TARBP2: variants seen among roughly 807,000 people sequenced by gnomAD.
TARBP2 encodes the protein TARBP2 subunit of RISC loading complex, also known as RISC-loading complex subunit TARBP2.
In TARBP2, 23 loss-of-function variants were observed where a neutral mutation model predicts 40.4. The ratio of observed to expected loss-of-function variants is 0.57; its 90% confidence interval spans 0.41 to 0.81. TARBP2 has a LOEUF of 0.81. Among genes scored for constraint, TARBP2 ranks in the 30% least tolerant of loss-of-function variants. TARBP2 has a pLI of 0.00. For missense variants in TARBP2, 358 were observed against 473.7 expected (o/e 0.76, Z 2.27); for synonymous variants, 183 against 190.5 (o/e 0.96, Z 0.32).
At chr12:53,504,643 G>A (rs1943884619) in intron 5 of TARBP2, 55 bp from the exon 6 acceptor site, 1 of 1,613,944 alleles carries the variant, frequency 6.2e-7, no homozygotes. Flanking sequence ...GACCAGCGTG[G>A]GTGTGAGAAG....
Position 53,501,420 on chromosome 12 carries a change from G to C in TARBP2, c.12G>C (p.Glu4Asp). Reference protein sequence around the residue: MSEEEQGSGTTTGC... With the variant: MSEDEQGSGTTTGC... The stretch of plus-strand genomic sequence containing the variant: ...GGACGGAGGAGGGAATGAGTGAAGA[G>C]GAGCAAGGCTCCGGCACTACCACGG... Residue 4 changes from glutamate (E) to aspartate (D), a missense_variant, in exon 1 of 9, where the codon GAG becomes GAC. This residue lies in a region of TARBP2 where 32 missense variants were observed against 21.6 expected (regional missense o/e 1.48). Transcript: ENST00000266987. The C allele has an allele frequency of 6.4e-7, 1 of 1,567,032 alleles. No homozygotes were observed.
chr12:53,505,247 T>C lies in TARBP2; in HGVS notation c.726T>C (p.Asp242=), dbSNP rs1412582897. The C allele has an allele frequency of 6.2e-7, 1 of 1,600,716 alleles. No homozygotes were observed. The highest frequency in any genetic ancestry group is 1.1e-5 in the South Asian group (1 of 90,540). ...ARDGNEVEPD[D]DHFSIGVGSR... is the part of the protein sequence containing the mutation. Reference sequence around the variant, plus strand: ...ATGGCAATGAGGTGGAGCCTGATGATGACCACTTCTCCATTGTGAGTGGCT... The same window carrying C: ...ATGGCAATGAGGTGGAGCCTGATGACGACCACTTCTCCATTGTGAGTGGCT... The change falls in exon 7 of 9, where the codon GAT becomes GAC. Residue 242 remains aspartate, a synonymous_variant. Transcript: ENST00000266987. This position sits in a 1 kb window ranked among gnomAD's most constrained non-coding sequence, Gnocchi z 4.5.
chr12:53,502,897 T>C, intron 2 of TARBP2, 130 bp from the exon 3 acceptor site: 1 of 858,372 alleles, frequency 1.2e-6, no homozygotes, highest in Non-Finnish European at 1.7e-6. Flanking sequence ...CTTCCAGTCT[T>C]CAGCAGGGGG....
Position 53,502,969 on chromosome 12 carries a change from C to T in TARBP2, c.224-58C>T, listed in dbSNP as rs377283020. 26 of 1,492,760 alleles carry T rather than the reference C, an allele frequency of 1.7e-5. No individual in the cohort carries two copies. In the African/African-American group the frequency reaches 2.7e-4, roughly 15 times the overall value. The allele number at this position is 1,492,760 out of a possible 1,614,324, so 92.5% of individuals were successfully genotyped here. On this transcript the variant is annotated intron_variant, in intron 2 of 8. Coordinates refer to ENST00000266987, the MANE Select transcript of TARBP2 (RefSeq NM_134323.2). ...CTACGAGGAGAGAGGCTGTGGGATG[C>T]TGGTTTCTTTCCCGTCCTTTCAGTG...
In TARBP2 at chr12:53,506,330, C is replaced by A; in HGVS notation, c.*182C>A. 2.8e-6 allele frequency: 2 copies of A among 704,808 alleles called. No homozygotes were observed. Among genetic ancestry groups the A allele is most frequent in the Non-Finnish European group, 4.6e-6 (2 of 437,188 alleles). The allele number at this position is 704,808 out of a possible 1,614,324, so 43.7% of individuals were successfully genotyped here. A position where few individuals can be genotyped will look rare whatever the true frequency, so the allele number is the denominator to read the frequency against. On this transcript the variant is annotated 3_prime_UTR_variant, in exon 9 of 9. Transcript: ENST00000266987. ...CCAAGGACCACAGAGCCTCAGCCAG[C>A]CCAGGATCCGTCCTCATTTTATTGG... is the stretch of plus-strand genomic sequence containing the variant.
Position 53,501,334 on chromosome 12 carries a change from C to T in TARBP2, c.-75C>T, listed in dbSNP as rs1943690710. ...GCCGCGACTCCGGGCTTGGCCCCGG[C>T]CCTAGCTCGTCGGCTGTGTATTGGG... On this transcript the variant is annotated 5_prime_UTR_variant, in exon 1 of 9. Coordinates refer to ENST00000266987, the MANE Select transcript of TARBP2 (RefSeq NM_134323.2). 3 of 1,524,860 alleles carry T rather than the reference C, an allele frequency of 2.0e-6. No individual in the cohort carries two copies. The highest frequency in any genetic ancestry group is 2.7e-6 in the Non-Finnish European group (3 of 1,125,910). 94.5% of individuals were successfully genotyped at this position (1,524,860 alleles called of 1,614,324 possible). A position where few individuals can be genotyped will look rare whatever the true frequency, so the allele number is the denominator to read the frequency against.
chr12:53,506,007 T>C lies in TARBP2; in HGVS notation c.960T>C (p.Ser320=). ...GCTCTCCAGAGGAGCTGAGCCTGAG[T>C]GGACTCTGCCAGTGCCTGGTGGAAC... ...SYLDIEELSL[S]GLCQCLVELS... Residue 320 remains serine, a synonymous_variant, in exon 9 of 9, where the codon AGT becomes AGC. Transcript: ENST00000266987. 2 of 1,613,962 alleles carry C rather than the reference T, an allele frequency of 1.2e-6. No individual in the cohort carries two copies. The highest frequency in any genetic ancestry group is 1.7e-6 in the Non-Finnish European group (2 of 1,179,928).
chr12:53,506,207 C>T lies in TARBP2; in HGVS notation c.*59C>T. 6.3e-6 allele frequency: 10 copies of T among 1,577,622 alleles called. No individual in the cohort carries two copies. The highest frequency in any genetic ancestry group is 8.6e-6 in the Non-Finnish European group (10 of 1,159,860). On this transcript the variant is annotated 3_prime_UTR_variant, in exon 9 of 9. Transcript: ENST00000266987. Reference sequence around the variant, plus strand: ...GCTCCCTGCTCTTTCTGCCTCTGGGCTCATGTATCTGCGCAGCTCTGGTAC... The same window carrying T: ...GCTCCCTGCTCTTTCTGCCTCTGGGTTCATGTATCTGCGCAGCTCTGGTAC...
At chr12:53,504,948 C>T in intron 6 of TARBP2, 133 bp downstream of exon 6, 1 of 1,426,824 alleles carries the variant, frequency 7.0e-7, no homozygotes, top group Non-Finnish European at 9.6e-7. Context: ...CAGCCCCTTC[C>T]TTTTAGCTTC....
Position 53,502,521 on chromosome 12 carries a change from T to C in TARBP2, c.223+337T>C, listed in dbSNP as rs190818520. On this transcript the variant is annotated intron_variant, in intron 2 of 8. Transcript: ENST00000266987. Reference sequence around the variant, plus strand: ...CTCTGTTCCCGGTGCTTAACCAAATTCCCGTTTAATTTTAAACCTCAGTCT... The same window carrying C: ...CTCTGTTCCCGGTGCTTAACCAAATCCCCGTTTAATTTTAAACCTCAGTCT... The C allele has an allele frequency of 3.0e-3, 916 of 306,172 alleles. 22 individuals carry two copies. Among genetic ancestry groups the C allele is most frequent in the South Asian group, 0.026 (649 of 24,850 alleles). The allele number at this position is 306,172 out of a possible 1,614,324, so 19.0% of individuals were successfully genotyped here. A position where few individuals can be genotyped will look rare whatever the true frequency, so the allele number is the denominator to read the frequency against.
chr12:53,501,185 C>T, upstream of TARBP2: 1 of 580,280 alleles, frequency 1.7e-6, no homozygotes, highest in South Asian at 2.1e-5. Flanking sequence ...GCGGTGCAGC[C>T]TGCCCGGGCG....
At chr12:53,501,877 C>T (rs1943728973) in intron 1 of TARBP2, 138 bp from the exon 2 acceptor site, 1 of 1,403,540 alleles carries the variant, frequency 7.1e-7, no homozygotes, top group African/African-American at 1.4e-5. Flanking sequence ...ACTTGGAACC[C>T]AGCCAATGGA....
chr12:53,501,233 C>A, upstream of TARBP2: 1 of 672,094 alleles, frequency 1.5e-6, no homozygotes, highest in Non-Finnish European at 2.5e-6. Flanking sequence ...GGATAGCTCC[C>A]CTCCAGATGG....
chr12:53,503,970 G>A (rs577073036), intron 4 of TARBP2, 162 bp downstream of exon 4: 1 of 636,978 alleles, frequency 1.6e-6, no homozygotes, highest in Non-Finnish European at 2.8e-6. Context: ...CAGCTGGTAA[G>A]CTCTTGGGAC....
intron 2 of TARBP2, 43 bp downstream of exon 2, chr12:53,502,227 G>A: frequency 6.2e-7 from 1 of 1,607,070 alleles, no homozygotes; most frequent in Non-Finnish European, 8.5e-7. Flanking sequence ...TGCATTTGCA[G>A]GTCCCCATGG....
At chr12:53,504,939 AG>A in intron 6 of TARBP2, 124 bp downstream of exon 6, 1 of 1,433,964 alleles carries the variant, frequency 7.0e-7, no homozygotes, top group Non-Finnish European at 9.6e-7. Context: ...TCCCTAGCTC[AG>A]CCCCTTCCTT....
At chr12:53,501,640 T>C in intron 1 of TARBP2, 179 bp downstream of exon 1, 2 of 1,451,028 alleles carry the variant, frequency 1.4e-6, no homozygotes. Context: ...TCTAAATAGT[T>C]TGGGGTTGGC....
At chr12:53,503,574 T>A in intron 3 of TARBP2, 139 bp from the exon 4 acceptor site, 1 of 656,996 alleles carries the variant, frequency 1.5e-6, no homozygotes. Flanking sequence ...GAGGAAGCTG[T>A]TGGTTGAGCC....
rs1565900937 is a variant in TARBP2, at chr12:53,504,828, GA to G, written c.613+15del. On this transcript the variant is annotated intron_variant, in intron 6 of 8. Transcript: ENST00000266987. Reference sequence around the variant, plus strand: ...TTCATTGAGATTGGTAACTGGGCAAGAAGGGGTTCTCACAACTCCTCTCCCG... The same window carrying G: ...TTCATTGAGATTGGTAACTGGGCAAGAGGGGTTCTCACAACTCCTCTCCCG... 1.9e-6 allele frequency: 3 copies of G among 1,613,328 alleles called. No individual in the cohort carries two copies. The South Asian group carries it at 3.3e-5, about 18-fold the overall frequency.
Sources: allele counts gnomAD v4.1 joint callset, GRCh38; gene constraint gnomAD v4.1.1; regional missense constraint gnomAD v4.1.1; non-coding constraint Gnocchi (gnomAD v3.1); transcripts MANE v1.5; gene names NCBI Gene and HGNC (gene_info 2026-07-23, HGNC 2026-07-21).